Variants in ZNF418 observed in about 807,000 individuals in gnomAD.
ZNF418 encodes zinc finger protein 418.
Under a neutral mutation model 32.0 loss-of-function variants are expected in ZNF418, and 32 were observed. That is an observed-to-expected ratio of 1.00 (90% CI 0.75 to 1.34). The LOEUF (loss-of-function observed/expected upper bound fraction) is 1.34, where lower values mean the gene tolerates loss of function less well. ZNF418 is among the 40% of genes most tolerant of loss of function. The pLI is 0.00. For synonymous variants in ZNF418, 276 were observed against 270.7 expected (o/e 1.02, Z -0.19); for missense variants, 804 against 812.5 (o/e 0.99, Z 0.13).
At chr19:57,934,024 G>A in intron 1 of ZNF418, 122 bp from the exon 2 acceptor site, 3 of 1,478,164 alleles carry the variant, frequency 2.0e-6, no homozygotes, top group Middle Eastern at 2.4e-4. Context: ...TTCAAAGTAT[G>A]TTTACATGGG....
chr19:57,928,027 C>A lies in ZNF418; in HGVS notation c.154G>T (p.Asp52Tyr), dbSNP rs765393726. Residue 52 changes from aspartate to tyrosine, a missense_variant, in exon 4 of 6, where the codon GAT becomes TAT. Asp to Tyr is a radical substitution (Grantham distance 160). Around this residue, in one of 3 missense-constraint regions of ZNF418, gnomAD observed 307 missense variants for 304.9 expected, o/e 1.01. Coordinates refer to ENST00000396147, the MANE Select transcript of ZNF418 (RefSeq NM_133460.3). ...CTCTTCTTAGAAGGTGCCTCCTCAT[C>A]TTCTGATCCACACCAACAACCTGAA... is the stretch of plus-strand genomic sequence containing the variant. ...SSLGCWCGSE[D>Y]EEAPSKKSIS... is the part of the protein sequence containing the mutation. The A allele has an allele frequency of 6.5e-7, 1 of 1,543,254 alleles. No individual in the cohort carries two copies. Among genetic ancestry groups the A allele is most frequent in the South Asian group, 1.2e-5 (1 of 80,538 alleles).
intron 4 of ZNF418, among the ~76,000 whole-genome samples, chr19:57,924,927 G>A (rs955078724): frequency 2.6e-5 from 4 of 152,086 alleles, no homozygotes; most frequent in African/African-American, 9.7e-5. Context: ...TGCCACAAGT[G>A]AAGAGACAGT....
At chr19:57,932,814 G>A (rs1432418263) in intron 2 of ZNF418, among the ~76,000 whole-genome samples, 1 of 152,204 alleles carries the variant, frequency 6.6e-6, no homozygotes, top group Non-Finnish European at 1.5e-5. Context: ...AAATCTTGGT[G>A]AGTCCACAGA....
At chr19:57,929,256 AAATAG>A (rs2072382148) in intron 3 of ZNF418, among the ~76,000 whole-genome samples, 1 of 152,226 alleles carries the variant, frequency 6.6e-6, no homozygotes, top group African/African-American at 2.4e-5. Context: ...AATACTAGTC[AAATAG>A]AATAGGTTTC....
intron 4 of ZNF418, among the ~76,000 whole-genome samples, chr19:57,923,845 G>A (rs940723251): frequency 1.3e-5 from 2 of 152,012 alleles, no homozygotes; most frequent in African/African-American, 4.8e-5. Context: ...CAAAGTGCTG[G>A]GATTACAGGC....
At chr19:57,933,986 T>C in intron 1 of ZNF418, 84 bp from the exon 2 acceptor site, 1 of 1,571,630 alleles carries the variant, frequency 6.4e-7, no homozygotes, top group South Asian at 1.2e-5. Context: ...AAGCATTTCA[T>C]GACCTGGTAC....
At chr19:57,930,286 C>A in intron 3 of ZNF418, 142 bp downstream of exon 3, 1 of 1,279,266 alleles carries the variant, frequency 7.8e-7, no homozygotes, top group Non-Finnish European at 1.1e-6. Context: ...CTCAGACCTA[C>A]CAACCACAAA....
chr19:57,928,662 T>G (rs530792437), intron 3 of ZNF418, among the ~76,000 whole-genome samples: 3 of 152,176 alleles, frequency 2.0e-5, no homozygotes, highest in Non-Finnish European at 4.4e-5. Context: ...GAAAATGATT[T>G]ACAAGACAAC....
At chr19:57,931,621 G>A (rs983292926) in intron 2 of ZNF418, among the ~76,000 whole-genome samples, 1 of 152,196 alleles carries the variant, frequency 6.6e-6, no homozygotes, top group Non-Finnish European at 1.5e-5. Context: ...CTTTTAGTCA[G>A]GTTCTCCTTT....
Position 57,928,065 on chromosome 19 carries a change from C to A in ZNF418, c.134-18G>T. ...CCAACAACCTGAAAGCAAGAAAATG[C>A]TGATGAATTCAAGTTAACTCTGGTG... On this transcript the variant is annotated intron_variant, in intron 3 of 5. Transcript: ENST00000396147. The A allele has an allele frequency of 1.3e-6, 2 of 1,517,788 alleles. No individual in the cohort carries two copies. Among genetic ancestry groups the A allele is most frequent in the Non-Finnish European group, 1.8e-6 (2 of 1,131,146 alleles). The allele number at this position is 1,517,788 out of a possible 1,614,324, so 94.0% of individuals were successfully genotyped here.
Position 57,926,796 on chromosome 19 carries a change from A to T in ZNF418, c.1385T>A (p.Leu462Ter), listed in dbSNP as rs764729010. The change falls in exon 4 of 6, where the codon TTA becomes TAA. Residue 462 changes from leucine to a stop codon, truncating the protein, a stop_gained. Transcript: ENST00000396147. LOFTEE classifies it low-confidence loss of function (END_TRUNC). ...AATGAGGTGGGACTTGCCCCTAAAT[A>T]ATTTCCTACACTCTCTACACTCATA... ...RPYECRECRKLFRGKSHLIEH... is the reference protein window; with the variant it reads ...RPYECRECRK The T allele has an allele frequency of 6.2e-7, 1 of 1,612,318 alleles. No homozygotes were observed. The highest frequency in any genetic ancestry group is 8.5e-7 in the Non-Finnish European group (1 of 1,179,484).
intron 4 of ZNF418, among the ~76,000 whole-genome samples, chr19:57,924,237 G>A (rs2072123715): frequency 2.0e-5 from 3 of 152,066 alleles, no homozygotes; most frequent in Admixed American, 6.5e-5. Flanking sequence ...GTGCAGCAAT[G>A]AGTCTCTGCG....
In ZNF418 at chr19:57,925,993, C is replaced by G; in HGVS notation, c.*157G>C. On this transcript the variant is annotated 3_prime_UTR_variant, in exon 4 of 6. Coordinates refer to ENST00000396147, the MANE Select transcript of ZNF418 (RefSeq NM_133460.3). Reference sequence around the variant, plus strand: ...TCTCACATTCATCGCACTCAAGAGGCCCTTCTGCAGTGGGAGCTCTTCTGT... The same window carrying G: ...TCTCACATTCATCGCACTCAAGAGGGCCTTCTGCAGTGGGAGCTCTTCTGT... The G allele has an allele frequency of 1.6e-6, 1 of 624,968 alleles. No individual in the cohort carries two copies. The highest frequency in any genetic ancestry group is 2.2e-5 in the South Asian group (1 of 46,424). 38.7% of individuals were successfully genotyped at this position (624,968 alleles called of 1,614,324 possible).
At chr19:57,923,819 G>A (rs543801647) in intron 4 of ZNF418, among the ~76,000 whole-genome samples, 21 of 151,804 alleles carry the variant, frequency 1.4e-4, no homozygotes, top group Admixed American at 1.0e-3. Flanking sequence ...CTCGTGATCC[G>A]CCTGCCTCAG....
intron 3 of ZNF418, 84 bp downstream of exon 3, chr19:57,930,344 T>C: frequency 1.9e-6 from 3 of 1,597,718 alleles, no homozygotes; most frequent in Non-Finnish European, 1.7e-6. Flanking sequence ...GGTCCTGACA[T>C]GATAAAAGAC....
Position 57,927,429 on chromosome 19 carries a change from A to G in ZNF418, c.752T>C (p.Val251Ala), listed in dbSNP as rs764104629. Residue 251 changes from valine (V) to alanine (A), a missense_variant, in exon 4 of 6, where the codon GTT (valine) becomes GCT (alanine). This residue lies in a region of ZNF418 where 307 missense variants were observed against 304.9 expected (regional missense o/e 1.01). Coordinates refer to ENST00000396147, the MANE Select transcript of ZNF418 (RefSeq NM_133460.3). The part of the protein sequence containing the change: ...KYDSVSNHQR[V>A]HTGKRPYECG... ...TTCATAAGGTCTTTTCCCAGTGTGA[A>G]CTCTCTGATGATTACTGACGCTATC... The G allele has an allele frequency of 2.5e-6, 4 of 1,614,018 alleles. No individual in the cohort carries two copies. In the African/African-American group the frequency reaches 5.3e-5, roughly 22 times the overall value.
At position 57,925,270 on chromosome 19, in the gene ZNF418, C is replaced by T. The variant is rs548789483; in HGVS notation, c.*527+353G>A. Among the ~76,000 whole-genome samples the T allele has an allele frequency of 4.6e-5, 7 of 152,184 alleles. No individual in the cohort carries two copies. In the South Asian group the frequency reaches 1.0e-3, roughly 23 times the overall value. On this transcript the variant is annotated intron_variant, in intron 4 of 5. Coordinates refer to ENST00000396147, the MANE Select transcript of ZNF418 (RefSeq NM_133460.3). ...GGTCAGGAGATCGAGACCATCCTGG[C>T]TAACACGGAGAAACCCCATTTCTAC...
Position 57,922,375 on chromosome 19 carries a change from A to G in ZNF418, c.*880T>C, listed in dbSNP as rs1167246486. ...AATGGGCCACACTTTACAAATTGAG[A>G]TTATGTCTCCAGTTAAATGAGTTCC... On this transcript the variant is annotated 3_prime_UTR_variant, in exon 6 of 6. Transcript: ENST00000396147. 2.5e-6 allele frequency: 1 copy of G among 392,706 alleles called. No individual in the cohort carries two copies. The highest frequency in any genetic ancestry group is 3.6e-5 in the East Asian group (1 of 27,686). 24.3% of individuals were successfully genotyped at this position (392,706 alleles called of 1,614,324 possible).
At chr19:57,934,243 G>C (rs1465783532) in intron 1 of ZNF418, 1 of 1,037,440 alleles carries the variant, frequency 9.6e-7, no homozygotes, top group Non-Finnish European at 1.2e-6. Context: ...TCCTTTTTTT[G>C]AGCCAGAGTT....
Sources: gnomAD v4.1 joint callset for allele counts (sites outside exome capture counted in the v4.1 genomes callset) on GRCh38, gnomAD v4.1.1 for gene constraint, gnomAD v4.1.1 regional missense constraint, MANE v1.5 for transcripts, NCBI Gene and HGNC (gene_info 2026-07-23, HGNC 2026-07-21) for gene names.